Variants in STRA6 observed in about 807,000 individuals in gnomAD.
STRA6 encodes the protein signaling receptor and transporter of retinol STRA6.
STRA6 carries 48 observed loss-of-function variants against 83.6 expected under a neutral mutation model. The observed-to-expected ratio is 0.57, with a 90% confidence interval of 0.46 to 0.73. The LOEUF (loss-of-function observed/expected upper bound fraction) is 0.73, where lower values mean the gene tolerates loss of function less well. STRA6 is among the 30% of genes least tolerant of loss of function. The pLI, the probability that STRA6 is intolerant of heterozygous loss-of-function variation, is 0.00. For synonymous variants in STRA6, 353 were observed against 362.3 expected, an observed-to-expected ratio of 0.97 and a Z score of 0.29; for missense variants, 760 against 838.8, an observed-to-expected ratio of 0.91 and a Z score of 1.16.
intron 12 of STRA6, 74 bp from the exon 13 acceptor site, chr15:74,185,129 AGGGTGGTGCCTTGTG>A: frequency 6.8e-7 from 1 of 1,479,776 alleles, no homozygotes; most frequent in Non-Finnish European, 9.4e-7. Flanking sequence ...AACCCCTGCC[AGGGTGGTGCCTTGTG>A]GGGAGTTCCC....
In STRA6 at chr15:74,188,762, C is replaced by T; in HGVS notation, c.1090+353G>A. On this transcript the variant is annotated intron_variant, in intron 12 of 18. Coordinates refer to ENST00000395105, the MANE Select transcript of STRA6 (RefSeq NM_022369.4). This position sits in a 1 kb window ranked among gnomAD's most constrained non-coding sequence, Gnocchi z 4.5. ...ACGAGGATTCGCTCAGAAATCCTCACCATCTCCCTTCGCCGTCTCTTCCCT... is the reference window on the plus strand; with the variant it reads ...ACGAGGATTCGCTCAGAAATCCTCATCATCTCCCTTCGCCGTCTCTTCCCT... Among the ~76,000 whole-genome samples, 1 of 152,168 alleles carries T rather than the reference C, an allele frequency of 6.6e-6. No homozygotes were observed. Among genetic ancestry groups the T allele is most frequent in the South Asian group, 2.1e-4 (1 of 4,830 alleles).
rs141477248 is a variant in STRA6 at position 74,196,026 on chromosome 15, C to T, written c.388G>A (p.Ala130Thr). 6.7e-4 allele frequency: 1,086 copies of T among 1,613,838 alleles called. 2 individuals are homozygous for T. Among genetic ancestry groups the T allele is most frequent in the Non-Finnish European group, 8.2e-4 (970 of 1,179,982 alleles). ...TGGGTACCTTGGCTGGGTGCTGAGG[C>T]GAGAGTCAGGAAGGGCAATGCGTCC... ...DEDALPFLTL[A>T]SAPSQDGKTE... Residue 130 changes from alanine (A) to threonine (T), a missense_variant, in exon 5 of 19, where the codon GCC becomes ACC. By Grantham distance (58) the Ala-to-Thr change is moderately conservative. Coordinates refer to ENST00000395105, the MANE Select transcript of STRA6 (RefSeq NM_022369.4).
chr15:74,193,031 G>A (rs575731845), intron 8 of STRA6, among the ~76,000 whole-genome samples: 202 of 152,322 alleles, frequency 1.3e-3, no homozygotes, highest in South Asian at 2.5e-3. Context: ...AGGCTTTTTA[G>A]TGAGATTGAA....
At chr15:74,209,597 C>G, upstream of STRA6, 1 of 657,434 alleles carries the variant, frequency 1.5e-6, no homozygotes, top group African/African-American at 1.8e-5. Context: ...CTATTTCTCA[C>G]TTCTCACAGA....
intron 12 of STRA6, among the ~76,000 whole-genome samples, chr15:74,187,773 C>A (rs1020535784): frequency 6.6e-6 from 1 of 152,094 alleles, no homozygotes; most frequent in African/African-American, 2.4e-5. Flanking sequence ...AAAGTGGGAG[C>A]CTTTGAGCTT....
At chr15:74,208,957 G>C in exon 1 of STRA6, 1 of 1,002,328 alleles carries the variant, frequency 1.0e-6, no homozygotes, top group Non-Finnish European at 1.2e-6. Flanking sequence ...TCCTAGAGGG[G>C]TGGCTGGTTG....
At chr15:74,186,058 AG>A (rs1453161564) in intron 12 of STRA6, among the ~76,000 whole-genome samples, 5 of 152,300 alleles carry the variant, frequency 3.3e-5, no homozygotes, top group African/African-American at 1.2e-4. Context: ...CAGCACCGAT[AG>A]CGCCTTTAGG....
In STRA6 at chr15:74,179,856, T is replaced by A; in HGVS notation, c.*224A>T. The A allele has an allele frequency of 1.7e-6, 1 of 592,356 alleles. No individual in the cohort carries two copies. Among genetic ancestry groups the A allele is most frequent in the Non-Finnish European group, 2.9e-6 (1 of 343,902 alleles). 36.7% of individuals were successfully genotyped at this position (592,356 alleles called of 1,614,324 possible). On this transcript the variant is annotated 3_prime_UTR_variant, in exon 19 of 19. Coordinates refer to ENST00000395105, the MANE Select transcript of STRA6 (RefSeq NM_022369.4). ...TGGACCAAGGCCCTAACCCACCAGT[T>A]TCTTTCTCCAGAACCCCTGCTGGCT...
chr15:74,210,777 G>C (rs1164005305), upstream of STRA6, among the ~76,000 whole-genome samples: 1 of 152,116 alleles, frequency 6.6e-6, no homozygotes, highest in Non-Finnish European at 1.5e-5. Flanking sequence ...CCTTAGACTA[G>C]GTATTGGCCA....
At chr15:74,209,740 G>C (rs562755960), upstream of STRA6, 96 of 385,700 alleles carry the variant, frequency 2.5e-4, no homozygotes, top group African/African-American at 1.7e-3. Context: ...CTTCCTAGAG[G>C]GGGTATCCTG....
At chr15:74,211,153 GCACACACACACA>G (rs71137380), upstream of STRA6, among the ~76,000 whole-genome samples, 7 of 148,682 alleles carry the variant, frequency 4.7e-5, no homozygotes, top group African/African-American at 1.5e-4. Context: ...GCACGCACAC[GCACACACACACA>G]CACACACACA....
intron 13 of STRA6, 144 bp from the exon 14 acceptor site, chr15:74,184,133 G>C: frequency 1.6e-6 from 2 of 1,218,996 alleles, no homozygotes; most frequent in African/African-American, 1.5e-5. Flanking sequence ...TGGGAGCCAG[G>C]AGGAGGCCAC....
rs186512506 is a variant in STRA6 at position 74,181,167 on chromosome 15, C to A, written c.1684+128G>T. 82 of 1,445,370 alleles carry A rather than the reference C, an allele frequency of 5.7e-5. No individual in the cohort carries two copies. In the African/African-American group the frequency reaches 1.0e-3, roughly 18 times the overall value. The allele number at this position is 1,445,370 out of a possible 1,614,324, so 89.5% of individuals were successfully genotyped here. A position where few individuals can be genotyped will look rare whatever the true frequency, so the allele number is the denominator to read the frequency against. On this transcript the variant is annotated intron_variant, in intron 17 of 18. Transcript: ENST00000395105. ...ACAGGAGGCACAGCGCAGGGGCACA[C>A]AGGTGGCACATGCAGCTACAGGCAT...
upstream of STRA6, among the ~76,000 whole-genome samples, chr15:74,204,216 G>A (rs895243357): frequency 1.3e-5 from 2 of 152,214 alleles, no homozygotes; most frequent in Admixed American, 6.5e-5. Flanking sequence ...CCAGGGATGC[G>A]GGAAACTTGC....
chr15:74,185,453 C>T (rs566274483), intron 12 of STRA6, among the ~76,000 whole-genome samples: 30 of 152,352 alleles, frequency 2.0e-4, no homozygotes, highest in Admixed American at 6.5e-4. Flanking sequence ...TACCGCACGC[C>T]GTTATGCTGC....
intron 8 of STRA6, among the ~76,000 whole-genome samples, chr15:74,193,164 G>T (rs2073635217): frequency 6.6e-6 from 1 of 152,114 alleles, no homozygotes; most frequent in Non-Finnish European, 1.5e-5. Context: ...AATATTTGCT[G>T]AGTATCTATT....
chr15:74,206,432 G>C (rs2074263999), upstream of STRA6, among the ~76,000 whole-genome samples: 1 of 152,228 alleles, frequency 6.6e-6, no homozygotes, highest in Non-Finnish European at 1.5e-5. Flanking sequence ...GATGCTACCT[G>C]GGAAGACGGC....
At chr15:74,207,505 G>A (rs2074286148), upstream of STRA6, among the ~76,000 whole-genome samples, 1 of 152,176 alleles carries the variant, frequency 6.6e-6, no homozygotes, top group African/African-American at 2.4e-5. Flanking sequence ...TCAAAAGCCT[G>A]TGACCATTTG....
At chr15:74,180,614 G>GA (rs1257263679) in intron 18 of STRA6, among the ~76,000 whole-genome samples, 168 bp downstream of exon 18, 2 of 152,110 alleles carry the variant, frequency 1.3e-5, no homozygotes, top group South Asian at 2.1e-4. Flanking sequence ...TCATATCATG[G>GA]AAAAAATCAC....
Sources: gnomAD v4.1 joint callset for allele counts (sites outside exome capture counted in the v4.1 genomes callset) on GRCh38, gnomAD v4.1.1 for gene constraint, Gnocchi (gnomAD v3.1) non-coding constraint, MANE v1.5 for transcripts, NCBI Gene and HGNC (gene_info 2026-07-23, HGNC 2026-07-21) for gene names.